PPM1H: variants seen among roughly 807,000 people sequenced by gnomAD.
PPM1H encodes the protein protein phosphatase 1H.
Under a neutral mutation model 54.9 loss-of-function variants are expected in PPM1H, and 27 were observed. That is an observed-to-expected ratio of 0.49 (90% confidence interval 0.36 to 0.68). The LOEUF is 0.68. PPM1H is among the 30% of genes least tolerant of loss of function. The pLI, the probability that PPM1H is intolerant of heterozygous loss-of-function variation, is 0.00. For synonymous variants in PPM1H, 305 were observed against 270.8 expected, an observed-to-expected ratio of 1.13 and a Z score of -1.24; for missense variants, 596 against 667.8, an observed-to-expected ratio of 0.89 and a Z score of 1.19.
intron 1 of PPM1H, among the ~76,000 whole-genome samples, chr12:62,851,827 G>GA (rs1050316248): frequency 1.3e-5 from 2 of 152,086 alleles, no homozygotes; most frequent in Non-Finnish European, 2.9e-5. Flanking sequence ...ATCTTGCTGA[G>GA]AAAAAAACTA....
intron 6 of PPM1H, among the ~76,000 whole-genome samples, chr12:62,694,758 T>G (rs1188406736): frequency 1.3e-5 from 2 of 152,190 alleles, no homozygotes; most frequent in African/African-American, 2.4e-5. Flanking sequence ...GCTTCACCTT[T>G]TTCAGTCTCA....
chr12:62,714,754 A>G (rs947572337), intron 6 of PPM1H, among the ~76,000 whole-genome samples: 2 of 152,198 alleles, frequency 1.3e-5, no homozygotes, highest in African/African-American at 4.8e-5. Flanking sequence ...TGCCCCTGAA[A>G]TGAGACCATC....
intron 7 of PPM1H, 99 bp downstream of exon 7, chr12:62,693,837 C>T: frequency 2.8e-6 from 3 of 1,053,580 alleles, no homozygotes; most frequent in Non-Finnish European, 2.8e-6. Flanking sequence ...TATAAAATCA[C>T]AAGCTGCTGA....
At chr12:62,864,851 G>A (rs1823641207) in intron 1 of PPM1H, among the ~76,000 whole-genome samples, 1 of 152,206 alleles carries the variant, frequency 6.6e-6, no homozygotes, top group Non-Finnish European at 1.5e-5. Flanking sequence ...ACAAATTTGA[G>A]TAAACTGTTT....
rs933968767 is a variant in PPM1H, at chr12:62,832,389, C to A, written c.246-110G>T. 7 of 995,330 alleles carry A rather than the reference C, an allele frequency of 7.0e-6. No individual in the cohort carries two copies. The Admixed American group carries it at 1.2e-4, about 17-fold the overall frequency. The allele number at this position is 995,330 out of a possible 1,614,324, so 61.7% of individuals were successfully genotyped here. A position where few individuals can be genotyped will look rare whatever the true frequency, so the allele number is the denominator to read the frequency against. On this transcript the variant is annotated intron_variant, in intron 1 of 9. Coordinates refer to ENST00000228705, the MANE Select transcript of PPM1H (RefSeq NM_020700.2). ...TCTACAACTGGCCCAGAACTACAGC[C>A]CTGCTTAATGCTAAGAACATTATGG...
intron 1 of PPM1H, among the ~76,000 whole-genome samples, chr12:62,931,071 G>A (rs576436231): frequency 2.5e-4 from 38 of 152,236 alleles, no homozygotes; most frequent in African/African-American, 8.2e-4. Context: ...TTCTTGAAAG[G>A]GATTAACAGT....
intron 1 of PPM1H, among the ~76,000 whole-genome samples, chr12:62,927,170 T>C (rs966441150): frequency 5.3e-5 from 8 of 152,232 alleles, no homozygotes; most frequent in African/African-American, 1.9e-4. Context: ...ATCTGATATG[T>C]ATCACAGTTG....
intron 3 of PPM1H, among the ~76,000 whole-genome samples, chr12:62,792,297 TTAATAG>T (rs1373643072): frequency 6.6e-6 from 1 of 152,246 alleles, no homozygotes; most frequent in Non-Finnish European, 1.5e-5. Context: ...TGGTATTATA[TTAATAG>T]TGTGACTCAA....
intron 5 of PPM1H, among the ~76,000 whole-genome samples, chr12:62,724,463 C>T (rs934828228): frequency 6.6e-6 from 1 of 152,162 alleles, no homozygotes; most frequent in Non-Finnish European, 1.5e-5. Context: ...GTCAGAAGAT[C>T]TGTTGAGGCA....
In PPM1H at chr12:62,667,734, C is replaced by T. The variant is rs531722988; in HGVS notation, c.1246-405G>A. 2.0e-5 allele frequency among the ~76,000 whole-genome samples: 3 copies of T among 152,310 alleles called. No homozygotes were observed. The South Asian group carries it at 6.2e-4, about 32-fold the overall frequency. On this transcript the variant is annotated intron_variant, in intron 8 of 9. Coordinates refer to ENST00000228705, the MANE Select transcript of PPM1H (RefSeq NM_020700.2). The stretch of plus-strand genomic sequence containing the variant: ...ACATTTATTAAGGGCCTACCCTGTG[C>T]CAAGTGCTATAAATGCAAAGTTAAA...
intron 2 of PPM1H, among the ~76,000 whole-genome samples, chr12:62,810,899 C>A (rs932228758): frequency 6.6e-6 from 1 of 152,170 alleles, no homozygotes; most frequent in African/African-American, 2.4e-5. Context: ...TGGTACATGT[C>A]TTGGAGCCTC....
chr12:62,908,510 A>G (rs1164585645), intron 1 of PPM1H, among the ~76,000 whole-genome samples: 2 of 152,178 alleles, frequency 1.3e-5, no homozygotes, highest in Admixed American at 1.3e-4. Flanking sequence ...TACTAACCAA[A>G]AGTTATTTAC....
At chr12:62,893,496 G>A (rs953959733) in intron 1 of PPM1H, among the ~76,000 whole-genome samples, 2 of 151,798 alleles carry the variant, frequency 1.3e-5, no homozygotes, top group African/African-American at 4.8e-5. Flanking sequence ...TCACTCTGTT[G>A]CCCTAGCTGA....
intron 2 of PPM1H, among the ~76,000 whole-genome samples, chr12:62,831,879 T>C (rs1868366514): frequency 6.6e-6 from 1 of 151,770 alleles, no homozygotes; most frequent in African/African-American, 2.4e-5. Flanking sequence ...ATACATATGG[T>C]GTGGGTGTTT....
intron 1 of PPM1H, among the ~76,000 whole-genome samples, chr12:62,924,067 C>T (rs35145814): frequency 0.39 from 59,634 of 152,048 alleles, 11,980 homozygotes; most frequent in South Asian, 0.48. Flanking sequence ...ATTATGTCCA[C>T]ACTTGACAAA....
At chr12:62,815,896 T>G (rs2076863459) in intron 2 of PPM1H, among the ~76,000 whole-genome samples, 1 of 152,178 alleles carries the variant, frequency 6.6e-6, no homozygotes, top group African/African-American at 2.4e-5. Flanking sequence ...TTCTATAATT[T>G]AGCAAGAAAA....
At chr12:62,734,806 G>A (rs1050789760) in intron 5 of PPM1H, among the ~76,000 whole-genome samples, 28 of 152,218 alleles carry the variant, frequency 1.8e-4, no homozygotes. Context: ...AATTTGGGAG[G>A]CTGAGGTGAG....
chr12:62,739,505 A>G (rs933250023), intron 4 of PPM1H, among the ~76,000 whole-genome samples: 1 of 152,180 alleles, frequency 6.6e-6, no homozygotes, highest in Non-Finnish European at 1.5e-5. Flanking sequence ...ATAAATTCCA[A>G]AGATAATCTC....
chr12:62,858,442 A>G (rs1403821233), intron 1 of PPM1H, among the ~76,000 whole-genome samples: 1 of 139,820 alleles, frequency 7.2e-6, no homozygotes, highest in African/African-American at 2.8e-5. Flanking sequence ...CAAAGAGGAA[A>G]TGCTTTTTTT....
Sources: allele counts gnomAD v4.1 joint callset (sites outside exome capture counted in the v4.1 genomes callset), GRCh38; gene constraint gnomAD v4.1.1; transcripts MANE v1.5; gene names NCBI Gene and HGNC (gene_info 2026-07-23, HGNC 2026-07-21).